NEIL3: variants seen among roughly 807,000 people sequenced by gnomAD.
NEIL3 encodes nei like DNA glycosylase 3.
In NEIL3, 48 loss-of-function variants were observed where a neutral mutation model predicts 57.5. That is an observed-to-expected ratio of 0.83 (90% confidence interval 0.66 to 1.06). NEIL3 has a LOEUF of 1.06. Among genes scored for constraint, NEIL3 ranks in the 50% least tolerant of loss-of-function variants. The probability of loss-of-function intolerance (pLI) is 0.00; values close to 1 mark genes in which losing one functional copy is unlikely to be tolerated. For missense variants in NEIL3, 717 were observed against 739.1 expected, an observed-to-expected ratio of 0.97 and a Z score of 0.35; for synonymous variants, 261 against 253.2, an observed-to-expected ratio of 1.03 and a Z score of -0.29.
chr4:177,353,327 A>G lies in NEIL3; in HGVS notation c.1059A>G (p.Glu353=), dbSNP rs1735400176. The change falls in exon 8 of 10, where the codon GAA becomes GAG. Residue 353 remains glutamate (E), a synonymous_variant. Transcript: ENST00000264596. ...TTCCAGATTCAGTGCTCAAGAGTGA[A>G]GAAAATTCTACTGTCTTTAGCCACT... The part of the protein sequence containing the change: ...SRPIDSVLKS[E]ENSTVFSHLM... 8.1e-6 allele frequency: 13 copies of G among 1,612,582 alleles called. No individual in the cohort carries two copies. In the East Asian group the frequency reaches 2.9e-4, roughly 36 times the overall value.
At chr4:177,364,345 GAAGA>G (rs1735664882), downstream of NEIL3, among the ~76,000 whole-genome samples, 1 of 152,170 alleles carries the variant, frequency 6.6e-6, no homozygotes, top group South Asian at 2.1e-4. Context: ...GTGAAATTTA[GAAGA>G]AAGAATAGGC....
chr4:177,366,242 A>G (rs1440826201), downstream of NEIL3, among the ~76,000 whole-genome samples: 1 of 152,246 alleles, frequency 6.6e-6, no homozygotes, highest in Non-Finnish European at 1.5e-5. Flanking sequence ...TATATGTGAC[A>G]ACTATATCAT....
rs188963901 is a variant in NEIL3 at position 177,320,629 on chromosome 4, C to T, written c.157-1830C>T. ...AGTAGCTGGGGCTACAGGCGCCCGC[C>T]ACCATGCCCGGCTAATTTTTTTTGT... On this transcript the variant is annotated intron_variant, in intron 1 of 9. Coordinates refer to ENST00000264596, the MANE Select transcript of NEIL3 (RefSeq NM_018248.3). 2.2e-3 allele frequency among the ~76,000 whole-genome samples: 335 copies of T among 151,620 alleles called. 10 individuals carry two copies. In the East Asian group the frequency reaches 0.057, roughly 26 times the overall value.
rs70938582 is a variant in NEIL3 at position 177,349,034 on chromosome 4, ATTTTTT to A, written c.870-2330_870-2325del. The stretch of plus-strand genomic sequence containing the variant: ...AGGCACCCGTCACCACACCTGGCTA[ATTTTTT>A]TTTTTTTTTTTTTTTGTATTTTTAG... On this transcript the variant is annotated intron_variant, in intron 6 of 9. Transcript: ENST00000264596. 1.4e-4 allele frequency among the ~76,000 whole-genome samples: 14 copies of A among 100,456 alleles called. 1 individual carries two copies. The highest frequency in any genetic ancestry group is 7.5e-4 in the South Asian group (2 of 2,664). The allele number at this position is 100,456 out of a possible 152,430, so 65.9% of individuals were successfully genotyped here. A position where few individuals can be genotyped will look rare whatever the true frequency, so the allele number is the denominator to read the frequency against.
chr4:177,343,128 T>A (rs1347277103), intron 6 of NEIL3: 2 of 152,144 alleles, frequency 1.3e-5, no homozygotes, highest in Non-Finnish European at 2.9e-5. Context: ...ATAGGTAGGA[T>A]GATGCAAAAG....
chr4:177,320,462 C>CTTTTTTTTTTTTTTTTTT (rs1560908362), intron 1 of NEIL3, among the ~76,000 whole-genome samples: 1 of 110,694 alleles, frequency 9.0e-6, no homozygotes, highest in Non-Finnish European at 1.8e-5. Flanking sequence ...GAAGTGACTG[C>CTTTTTTTTTTTTTTTTTT]TGTCTTTTTT....
chr4:177,360,191 G>C (rs1735580029), intron 8 of NEIL3, among the ~76,000 whole-genome samples: 1 of 152,092 alleles, frequency 6.6e-6, no homozygotes, highest in African/African-American at 2.4e-5. Context: ...TGTGATATTG[G>C]GTAAGAAAAG....
At position 177,327,737 on chromosome 4, in the gene NEIL3, A is replaced by G. The variant is rs1349980949; in HGVS notation, c.278+5157A>G. 2.6e-5 allele frequency among the ~76,000 whole-genome samples: 4 copies of G among 152,158 alleles called. No homozygotes were observed. In the East Asian group the frequency reaches 7.7e-4, roughly 29 times the overall value. On this transcript the variant is annotated intron_variant, in intron 2 of 9. Coordinates refer to ENST00000264596, the MANE Select transcript of NEIL3 (RefSeq NM_018248.3). ...TTTATTTTCTTTTATTAAATCAAAA[A>G]ATTTCCCTTTTATTTCTAATTTGTT...
the NEIL3 span, among the ~76,000 whole-genome samples, chr4:177,370,479 T>C: frequency 6.6e-6 from 1 of 152,314 alleles, no homozygotes; most frequent in South Asian, 2.1e-4. Context: ...GGGTAAATCC[T>C]GTACTCAAAG....
chr4:177,353,884 G>A, intron 8 of NEIL3, 156 bp downstream of exon 8: 15 of 642,464 alleles, frequency 2.3e-5, no homozygotes, highest in Non-Finnish European at 3.2e-5. Context: ...TCCTGCCTCA[G>A]CCTCCCAAGT....
the NEIL3 span, among the ~76,000 whole-genome samples, chr4:177,371,169 A>C: frequency 6.6e-6 from 1 of 152,220 alleles, no homozygotes; most frequent in Non-Finnish European, 1.5e-5. Flanking sequence ...TCATTACAAC[A>C]ATTCCATATC....
At chr4:177,368,032 A>G in the NEIL3 span, among the ~76,000 whole-genome samples, 1 of 152,242 alleles carries the variant, frequency 6.6e-6, no homozygotes, top group Admixed American at 6.5e-5. Context: ...TTTGTGAAGC[A>G]CTGATGCCCA....
chr4:177,360,783 T>A (rs1735593225), intron 9 of NEIL3, 106 bp downstream of exon 9: 3 of 857,798 alleles, frequency 3.5e-6, no homozygotes, highest in Non-Finnish European at 5.1e-6. Context: ...ACCTTTAAAT[T>A]TGAAATAGCC....
At chr4:177,317,112 A>T (rs1243110389) in intron 1 of NEIL3, among the ~76,000 whole-genome samples, 1 of 152,228 alleles carries the variant, frequency 6.6e-6, no homozygotes, top group Non-Finnish European at 1.5e-5. Context: ...GTTAATATCT[A>T]CCTTGAATTC....
chr4:177,310,004 G>A lies in NEIL3; in HGVS notation c.51G>A (p.Arg17=), dbSNP rs1326831257. ...CTLNGEKIRA[R]VLPGQAVTGV... ...TGAATGGAGAGAAGATTCGCGCGCG[G>A]GTGCTCCCGGGCCAGGCGGTGACCG... Residue 17 remains arginine (R), a synonymous_variant, in exon 1 of 10, where the codon CGG becomes CGA. Transcript: ENST00000264596. The A allele has an allele frequency of 6.2e-7, 1 of 1,610,886 alleles. No individual in the cohort carries two copies. The highest frequency in any genetic ancestry group is 8.5e-7 in the Non-Finnish European group (1 of 1,179,052).
At chr4:177,334,496 T>C (rs1370311789) in intron 2 of NEIL3, among the ~76,000 whole-genome samples, 8 of 152,172 alleles carry the variant, frequency 5.3e-5, no homozygotes, top group African/African-American at 7.2e-5. Flanking sequence ...AGAAAGTGAT[T>C]TAGAATCCAC....
chr4:177,317,443 T>C (rs974419247), intron 1 of NEIL3, among the ~76,000 whole-genome samples: 4 of 152,162 alleles, frequency 2.6e-5, no homozygotes, highest in Non-Finnish European at 5.9e-5. Context: ...TTTTGACTCC[T>C]TTTCCTTTCA....
At chr4:177,350,360 G>T (rs1217641414) in intron 6 of NEIL3, among the ~76,000 whole-genome samples, 8 of 152,190 alleles carry the variant, frequency 5.3e-5, no homozygotes, top group Non-Finnish European at 5.9e-5. Context: ...GTGCATTAGA[G>T]AGTAGGACTA....
the NEIL3 span, among the ~76,000 whole-genome samples, chr4:177,370,337 T>C: frequency 1.3e-5 from 2 of 152,178 alleles, no homozygotes; most frequent in Admixed American, 6.5e-5. Context: ...CAGCAGAGAT[T>C]GTGGCTTCAA....
Sources: gnomAD v4.1 joint callset for allele counts (sites outside exome capture counted in the v4.1 genomes callset) on GRCh38, gnomAD v4.1.1 for gene constraint, MANE v1.5 for transcripts, NCBI Gene and HGNC (gene_info 2026-07-23, HGNC 2026-07-21) for gene names.